The following HIGD1C variants were observed in gnomAD, a reference collection of about 807,000 sequenced individuals.
HIGD1C encodes the protein HIG1 hypoxia inducible domain family member 1C, also known as HIG1 domain family member 1C.
A neutral mutation model predicts 13.1 loss-of-function variants in HIGD1C; 11 were observed. That is an observed-to-expected ratio of 0.84 (90% CI 0.53 to 1.39). The LOEUF is 1.39. Ranked by LOEUF, HIGD1C falls within the 40% of genes most tolerant of loss-of-function variation. HIGD1C has a pLI of 0.00. For synonymous variants in HIGD1C, 36 were observed against 37.7 expected, an observed-to-expected ratio of 0.95 and a Z score of 0.17; for missense variants, 110 against 112.0, an observed-to-expected ratio of 0.98 and a Z score of 0.08.
At chr12:50,939,690 C>A in the HIGD1C span, among the ~76,000 whole-genome samples, 1 of 152,140 alleles carries the variant, frequency 6.6e-6, no homozygotes, top group South Asian at 2.1e-4. Flanking sequence ...CCACCACCTA[C>A]ATCTCCCAGG....
chr12:50,942,837 C>A, the HIGD1C span, among the ~76,000 whole-genome samples: 1 of 151,082 alleles, frequency 6.6e-6, no homozygotes, highest in African/African-American at 2.4e-5. Context: ...GCACTCCATC[C>A]TAGACAGAGC....
At chr12:50,951,208 A>G (rs1033664256), upstream of HIGD1C, among the ~76,000 whole-genome samples, 2 of 152,226 alleles carry the variant, frequency 1.3e-5, no homozygotes, top group African/African-American at 4.8e-5. Context: ...ACACCACGTT[A>G]ATCCACATGA....
At chr12:50,960,835 AC>A in intron 1 of HIGD1C, 132 bp from the exon 4 acceptor site, 1 of 701,836 alleles carries the variant, frequency 1.4e-6, no homozygotes, top group Admixed American at 3.1e-5. Flanking sequence ...GACGTGTATC[AC>A]CATGTGTGGC....
chr12:50,944,203 A>G, the HIGD1C span, among the ~76,000 whole-genome samples: 1 of 152,092 alleles, frequency 6.6e-6, no homozygotes, highest in Non-Finnish European at 1.5e-5. Context: ...CTCTGCAACA[A>G]TACCCCTGGG....
At chr12:50,959,455 C>T (rs1022914875) in intron 1 of HIGD1C, among the ~76,000 whole-genome samples, 1 of 152,052 alleles carries the variant, frequency 6.6e-6, no homozygotes. Flanking sequence ...ATACACTATT[C>T]TATTTTCTTC....
At chr12:50,952,966 A>C (rs1214485484), upstream of HIGD1C, among the ~76,000 whole-genome samples, 2 of 152,184 alleles carry the variant, frequency 1.3e-5, no homozygotes, top group African/African-American at 4.8e-5. Flanking sequence ...AGGCAGACTT[A>C]AGCAAATGCA....
At chr12:50,941,890 T>A in the HIGD1C span, among the ~76,000 whole-genome samples, 1 of 152,114 alleles carries the variant, frequency 6.6e-6, no homozygotes, top group East Asian at 1.9e-4. Context: ...GCTCCCTTGT[T>A]CCTTTTTTTC....
chr12:50,959,775 G>C (rs2139803057), intron 1 of HIGD1C, among the ~76,000 whole-genome samples: 1 of 152,180 alleles, frequency 6.6e-6, no homozygotes. Context: ...AGCCTCCCAA[G>C]TAGCTGGGAT....
At chr12:50,946,300 A>G in the HIGD1C span, among the ~76,000 whole-genome samples, 12 of 152,246 alleles carry the variant, frequency 7.9e-5, no homozygotes, top group Non-Finnish European at 1.6e-4. Flanking sequence ...AGCAACCTAC[A>G]GAATGGGAGA....
At chr12:50,951,797 C>T (rs1262563198), upstream of HIGD1C, among the ~76,000 whole-genome samples, 24 of 151,574 alleles carry the variant, frequency 1.6e-4, no homozygotes, top group Admixed American at 1.6e-3. Flanking sequence ...TGTGGCGCTT[C>T]TATAGTCCTA....
the HIGD1C span, chr12:50,932,379 G>C: frequency 6.6e-6 from 1 of 152,138 alleles, no homozygotes; most frequent in Non-Finnish European, 1.5e-5. Flanking sequence ...TGGTTAGAGG[G>C]TTTAATATTT....
At chr12:50,957,984 G>GTGTA (rs1484356121) in intron 1 of HIGD1C, among the ~76,000 whole-genome samples, 1 of 143,408 alleles carries the variant, frequency 7.0e-6, no homozygotes, top group Non-Finnish European at 1.5e-5. Flanking sequence ...GTGTGTGTGT[G>GTGTA]TAGTAGAGGC....
upstream of HIGD1C, among the ~76,000 whole-genome samples, chr12:50,951,919 T>C (rs1334763146): frequency 9.5e-6 from 1 of 105,544 alleles, no homozygotes; most frequent in Non-Finnish European, 1.8e-5. Flanking sequence ...CGAAACTCCA[T>C]CTCAAAAAAA....
the HIGD1C span, among the ~76,000 whole-genome samples, chr12:50,940,459 T>C: frequency 6.6e-6 from 1 of 152,172 alleles, no homozygotes; most frequent in Non-Finnish European, 1.5e-5. Flanking sequence ...GGCTCACACC[T>C]GAAAACCCAG....
chr12:50,959,635 C>T (rs574037508), intron 1 of HIGD1C, among the ~76,000 whole-genome samples: 14 of 150,950 alleles, frequency 9.3e-5, no homozygotes, highest in Admixed American at 7.9e-4. Context: ...TTATTTTTGT[C>T]GTTGTTGGTT....
the HIGD1C span, among the ~76,000 whole-genome samples, chr12:50,939,226 C>T: frequency 5.9e-5 from 9 of 152,316 alleles, no homozygotes; most frequent in East Asian, 1.3e-3. Context: ...TGGCTCACTG[C>T]AACTTCTACC....
At chr12:50,960,141 T>C (rs933954223) in intron 1 of HIGD1C, among the ~76,000 whole-genome samples, 4 of 152,222 alleles carry the variant, frequency 2.6e-5, no homozygotes. Flanking sequence ...TTGTATAGGC[T>C]TCTGAACTTT....
downstream of HIGD1C, among the ~76,000 whole-genome samples, chr12:50,971,865 C>T (rs1939770718): frequency 6.6e-6 from 1 of 152,204 alleles, no homozygotes; most frequent in Admixed American, 6.5e-5. Context: ...GAAAATATGT[C>T]TGCATTCTGG....
chr12:50,951,034 C>T (rs1938884702), upstream of HIGD1C, among the ~76,000 whole-genome samples: 1 of 151,738 alleles, frequency 6.6e-6, no homozygotes, highest in Non-Finnish European at 1.5e-5. Flanking sequence ...ATTTAGCAAA[C>T]TAAAATTAAT....
Sources: allele counts gnomAD v4.1 joint callset (sites outside exome capture counted in the v4.1 genomes callset), GRCh38; gene constraint gnomAD v4.1.1; transcripts MANE v1.5; gene names NCBI Gene and HGNC (gene_info 2026-07-23, HGNC 2026-07-21).